The following MYO1H variants were observed in gnomAD, a reference collection of about 807,000 sequenced individuals.
MYO1H encodes unconventional myosin-Ih.
MYO1H carries 118 observed loss-of-function variants against 149.3 expected under a neutral mutation model. The ratio of observed to expected loss-of-function variants is 0.79; its 90% CI spans 0.68 to 0.92. The LOEUF (loss-of-function observed/expected upper bound fraction) is 0.92, where lower values mean the gene tolerates loss of function less well. Ranked by LOEUF, MYO1H falls within the 40% of genes least tolerant of loss-of-function variation. The probability of loss-of-function intolerance (pLI) is 0.00; values close to 1 mark genes in which losing one functional copy is unlikely to be tolerated. For synonymous variants in MYO1H, 447 were observed against 465.2 expected (o/e 0.96, Z 0.50); for missense variants, 1,212 against 1,280.7 (o/e 0.95, Z 0.82).
chr12:109,356,352 C>T (rs1299864640), intron 1 of MYO1H, among the ~76,000 whole-genome samples: 2 of 151,772 alleles, frequency 1.3e-5, no homozygotes, highest in African/African-American at 4.8e-5. Flanking sequence ...CAGGAGGATT[C>T]TCCTTAAGGC....
chr12:109,382,674 C>T (rs536077080), intron 1 of MYO1H, among the ~76,000 whole-genome samples: 1 of 151,700 alleles, frequency 6.6e-6, no homozygotes, highest in South Asian at 2.1e-4. Context: ...ATACATAAAG[C>T]GATATAATGT....
intron 1 of MYO1H, among the ~76,000 whole-genome samples, chr12:109,369,566 C>T (rs539300190): frequency 6.6e-6 from 1 of 152,172 alleles, no homozygotes; most frequent in South Asian, 2.1e-4. Context: ...CTCTCTCACA[C>T]ACACCCCCAT....
At position 109,401,241 on chromosome 12, in the gene MYO1H, G is replaced by A. The variant is rs535424207; in HGVS notation, c.719G>A (p.Arg240Gln). Reference sequence around the variant, plus strand: ...CGCCTGTCTTACCTGGGACTCGAGCGAGACCCCCAGCTGTATAAATACCTC... The same window carrying A: ...CGCCTGTCTTACCTGGGACTCGAGCAAGACCCCCAGCTGTATAAATACCTC... The change falls in exon 6 of 32, where the codon CGA (arginine) becomes CAA (glutamine). Residue 240 changes from arginine (R) to glutamine (Q), a missense_variant. Coordinates refer to ENST00000310903, the Ensembl canonical transcript of MYO1H. 69 of 1,613,062 alleles carry A rather than the reference G, an allele frequency of 4.3e-5. No individual in the cohort carries two copies. The East Asian group carries it at 9.6e-4, about 22-fold the overall frequency.
intron 8 of MYO1H, 94 bp downstream of exon 8, chr12:109,406,129 G>A: frequency 1.2e-6 from 1 of 800,402 alleles, no homozygotes; most frequent in Non-Finnish European, 2.1e-6. Context: ...CCAAATATCT[G>A]GTGCCGTGCT....
intron 19 of MYO1H, among the ~76,000 whole-genome samples, chr12:109,429,570 A>G (rs879925014): frequency 3.3e-5 from 5 of 152,220 alleles, no homozygotes; most frequent in Non-Finnish European, 7.3e-5. Flanking sequence ...CTCAGGTTAT[A>G]TGCAAACACT....
chr12:109,421,081 T>C (rs1309001843), intron 16 of MYO1H, 54 bp downstream of exon 16: 5 of 1,238,286 alleles, frequency 4.0e-6, no homozygotes, highest in Non-Finnish European at 5.8e-6. Context: ...ATATTACCCA[T>C]GATAGTGATT....
intron 1 of MYO1H, among the ~76,000 whole-genome samples, chr12:109,349,317 C>A (rs1263869965): frequency 1.3e-5 from 2 of 151,970 alleles, no homozygotes; most frequent in Admixed American, 6.6e-5. Context: ...GAATTAATTC[C>A]CAGATTCCTT....
intron 3 of MYO1H, 65 bp from the exon 4 acceptor site, chr12:109,396,319 G>C: frequency 7.4e-7 from 1 of 1,359,576 alleles, no homozygotes; most frequent in Non-Finnish European, 1.0e-6. Context: ...TTCTTCTTTG[G>C]TGGGTGTCAG....
chr12:109,318,039 A>C, the MYO1H span, among the ~76,000 whole-genome samples: 1 of 152,238 alleles, frequency 6.6e-6, no homozygotes, highest in Non-Finnish European at 1.5e-5. Context: ...CTGTTCTGTC[A>C]GGTTTAAAAC....
intron 1 of MYO1H, among the ~76,000 whole-genome samples, chr12:109,350,201 T>C (rs1034151571): frequency 6.6e-6 from 1 of 152,118 alleles, no homozygotes. Context: ...AAGCTCACTT[T>C]ATGCAAATCA....
chr12:109,337,149 A>ATT, the MYO1H span, among the ~76,000 whole-genome samples: 1 of 152,186 alleles, frequency 6.6e-6, no homozygotes, highest in Admixed American at 6.5e-5. Flanking sequence ...TTTCATGTCC[A>ATT]TTTTTGCTTC....
chr12:109,447,348 C>T (rs1315632767), exon 32 of MYO1H: 7 of 681,734 alleles, frequency 1.0e-5, no homozygotes, highest in Admixed American at 2.3e-5. Context: ...AAAGCCTAAT[C>T]CCAGCTCCTC....
At chr12:109,378,468 G>A (rs1869132292) in intron 1 of MYO1H, among the ~76,000 whole-genome samples, 1 of 151,520 alleles carries the variant, frequency 6.6e-6, no homozygotes, top group South Asian at 2.1e-4. Context: ...CCACAGGTGT[G>A]CACCACCATA....
intron 3 of MYO1H, among the ~76,000 whole-genome samples, chr12:109,395,734 CAA>C (rs112060744): frequency 4.1e-4 from 56 of 137,846 alleles, no homozygotes; most frequent in Admixed American, 4.9e-4. Flanking sequence ...GACTCCATCT[CAA>C]AAAAAAAAAA....
chr12:109,425,968 G>A, exon 18 of MYO1H: 1 of 1,613,724 alleles, frequency 6.2e-7, no homozygotes, highest in Non-Finnish European at 8.5e-7. Context: ...TTTAAAAACA[G>A]TCTGAGCAGC....
At chr12:109,398,586 A>T (rs1870014594) in intron 5 of MYO1H, among the ~76,000 whole-genome samples, 2 of 151,782 alleles carry the variant, frequency 1.3e-5, no homozygotes, top group South Asian at 2.1e-4. Context: ...TCTCTAAAAA[A>T]AAAAATACAA....
At chr12:109,410,195 C>G (rs7967632) in intron 12 of MYO1H, 127 bp downstream of exon 12, 226,486 of 479,460 alleles carry the variant, frequency 0.47, 55,988 homozygotes, top group African/African-American at 0.67. Context: ...AGGCTGGAGT[C>G]CAGTGGCACA....
intron 1 of MYO1H, among the ~76,000 whole-genome samples, chr12:109,351,457 T>G (rs1868459460): frequency 6.6e-6 from 1 of 152,268 alleles, no homozygotes; most frequent in Admixed American, 6.5e-5. Flanking sequence ...GGTAACTTCC[T>G]AATTAACCAT....
intron 3 of MYO1H, 142 bp downstream of exon 3, chr12:109,393,588 C>CA (rs1239251062): frequency 1.6e-6 from 1 of 642,776 alleles, no homozygotes; most frequent in African/African-American, 1.8e-5. Context: ...CCCACCCATC[C>CA]ATTCATCCAC....
Sources: gnomAD v4.1 joint callset for allele counts (sites outside exome capture counted in the v4.1 genomes callset) on GRCh38, gnomAD v4.1.1 for gene constraint, MANE v1.5 for transcripts, NCBI Gene and HGNC (gene_info 2026-07-23, HGNC 2026-07-21) for gene names.